The following SLC24A3 variants were observed in gnomAD, a reference collection of about 807,000 sequenced individuals.
The protein encoded by SLC24A3 is sodium/potassium/calcium exchanger 3.
A neutral mutation model predicts 75.8 loss-of-function variants in SLC24A3; 28 were observed. The observed-to-expected ratio is 0.37, with a 90% confidence interval of 0.27 to 0.51. The LOEUF is 0.51. Among genes scored for constraint, SLC24A3 ranks in the 20% least tolerant of loss-of-function variants. The pLI is 0.94. For missense variants in SLC24A3, 663 were observed against 847.8 expected, an observed-to-expected ratio of 0.78 and a Z score of 2.71; for synonymous variants, 372 against 334.1, an observed-to-expected ratio of 1.11 and a Z score of -1.24.
At chr20:19,634,147 G>C (rs1346447486) in intron 6 of SLC24A3, among the ~76,000 whole-genome samples, 2 of 152,152 alleles carry the variant, frequency 1.3e-5, no homozygotes, top group Admixed American at 6.5e-5. Context: ...TTTTCAGCTT[G>C]TGCTCCATGG....
intron 9 of SLC24A3, among the ~76,000 whole-genome samples, chr20:19,678,494 C>A (rs1486948305): frequency 7.4e-6 from 1 of 135,264 alleles, no homozygotes; most frequent in East Asian, 2.3e-4. Flanking sequence ...CCGGACGGGG[C>A]GGCTGGCCGG....
intron 2 of SLC24A3, among the ~76,000 whole-genome samples, chr20:19,499,800 A>C (rs916329960): frequency 6.6e-6 from 1 of 152,178 alleles, no homozygotes; most frequent in African/African-American, 2.4e-5. Context: ...CTATATTTAC[A>C]TACATGTACA....
chr20:19,710,278 G>A (rs1777904663), intron 15 of SLC24A3, among the ~76,000 whole-genome samples: 1 of 152,164 alleles, frequency 6.6e-6, no homozygotes, highest in African/African-American at 2.4e-5. Context: ...TTAGGGTGGG[G>A]GTGTTGGCTC....
rs138662635 is a variant in SLC24A3 at position 19,293,475 on chromosome 20, G to C, written c.271+12388G>C. 2.0e-3 allele frequency among the ~76,000 whole-genome samples: 302 copies of C among 152,034 alleles called. 10 individuals are homozygous for C. In the East Asian group the frequency reaches 0.046, roughly 23 times the overall value. ...GTTCAAGACCAGCCTGGCCAACATC[G>C]TGAAAACCCATCTCTACTAAAAATA... On this transcript the variant is annotated intron_variant, in intron 2 of 16. Transcript: ENST00000328041.
chr20:19,388,910 G>T (rs1036498824), intron 2 of SLC24A3, among the ~76,000 whole-genome samples: 3 of 151,830 alleles, frequency 2.0e-5, no homozygotes, highest in African/African-American at 7.3e-5. Context: ...CTCTTTTGCC[G>T]TTCCTTTATT....
At chr20:19,425,346 T>C (rs1986988817) in intron 2 of SLC24A3, among the ~76,000 whole-genome samples, 1 of 152,150 alleles carries the variant, frequency 6.6e-6, no homozygotes, top group Admixed American at 6.5e-5. Context: ...CTCTTTTATC[T>C]CTTTTAATGA....
At chr20:19,487,443 G>A (rs1988146076) in intron 2 of SLC24A3, among the ~76,000 whole-genome samples, 1 of 151,934 alleles carries the variant, frequency 6.6e-6, no homozygotes, top group Non-Finnish European at 1.5e-5. Context: ...CCAGATCAGT[G>A]CTTCTGAATA....
chr20:19,359,327 A>T (rs977368018), intron 2 of SLC24A3, among the ~76,000 whole-genome samples: 1 of 152,184 alleles, frequency 6.6e-6, no homozygotes, highest in African/African-American at 2.4e-5. Flanking sequence ...TCCTTAATTT[A>T]TTCCCACCCA....
At chr20:19,704,029 C>T (rs554941055) in intron 15 of SLC24A3, among the ~76,000 whole-genome samples, 1 of 152,326 alleles carries the variant, frequency 6.6e-6, no homozygotes, top group Non-Finnish European at 1.5e-5. Flanking sequence ...GTCTGAGTCT[C>T]CCCCTGGAGA....
At chr20:19,289,025 G>A (rs1983878870) in intron 2 of SLC24A3, among the ~76,000 whole-genome samples, 1 of 152,084 alleles carries the variant, frequency 6.6e-6, no homozygotes, top group Non-Finnish European at 1.5e-5. Context: ...TGTGACAGTT[G>A]CCTCATGTGC....
At chr20:19,503,631 G>A (rs1988419046) in intron 2 of SLC24A3, among the ~76,000 whole-genome samples, 1 of 152,206 alleles carries the variant, frequency 6.6e-6, no homozygotes, top group East Asian at 1.9e-4. Flanking sequence ...TCCCCTTAAG[G>A]AGGGGGCCAG....
At chr20:19,241,700 G>A (rs1387457746) in intron 1 of SLC24A3, among the ~76,000 whole-genome samples, 5 of 152,306 alleles carry the variant, frequency 3.3e-5, no homozygotes, top group African/African-American at 1.2e-4. Context: ...GACAGATAAC[G>A]GTGTCTTCGG....
At chr20:19,507,836 G>A (rs1436141215) in intron 2 of SLC24A3, among the ~76,000 whole-genome samples, 1 of 152,146 alleles carries the variant, frequency 6.6e-6, no homozygotes, top group Non-Finnish European at 1.5e-5. Flanking sequence ...TCTGTCTTGT[G>A]TTTATACAAA....
At chr20:19,665,278 C>T (rs908988507) in intron 7 of SLC24A3, among the ~76,000 whole-genome samples, 3 of 152,056 alleles carry the variant, frequency 2.0e-5, no homozygotes, top group African/African-American at 7.2e-5. Context: ...TGTTAATGCA[C>T]TTATTTTTCG....
At chr20:19,701,468 T>C (rs1055507870) in intron 15 of SLC24A3, among the ~76,000 whole-genome samples, 1 of 152,230 alleles carries the variant, frequency 6.6e-6, no homozygotes, top group Non-Finnish European at 1.5e-5. Flanking sequence ...CTTCTCTTGT[T>C]ATCAAGAAGT....
chr20:19,703,766 A>G (rs896642520), intron 15 of SLC24A3, among the ~76,000 whole-genome samples: 14 of 152,242 alleles, frequency 9.2e-5, no homozygotes, highest in Admixed American at 3.9e-4. Context: ...TTAGATCAAA[A>G]TAGTAACAGT....
At chr20:19,696,541 C>T in intron 13 of SLC24A3, 1 of 400,716 alleles carries the variant, frequency 2.5e-6, no homozygotes, top group Non-Finnish European at 4.5e-6. Context: ...CCACCCGCCT[C>T]ACCGGAAGAG....
At chr20:19,694,911 C>T (rs1031424340) in intron 13 of SLC24A3, 1 of 152,198 alleles carries the variant, frequency 6.6e-6, no homozygotes, top group Non-Finnish European at 1.5e-5. Flanking sequence ...AACCAGGTTC[C>T]TACAGGGACT....
At chr20:19,685,625 G>T (rs1055009738) in intron 12 of SLC24A3, among the ~76,000 whole-genome samples, 16 of 152,130 alleles carry the variant, frequency 1.1e-4, no homozygotes, top group Admixed American at 8.5e-4. Flanking sequence ...TCAGGGATTT[G>T]TTCTAGGTCC....
Sources: allele counts gnomAD v4.1 joint callset (sites outside exome capture counted in the v4.1 genomes callset), GRCh38; gene constraint gnomAD v4.1.1; transcripts MANE v1.5; gene names NCBI Gene and HGNC (gene_info 2026-07-23, HGNC 2026-07-21).